DNAI7: variants seen among roughly 807,000 people sequenced by gnomAD.
DNAI7 encodes the protein dynein axonemal intermediate chain 7, also known as cancer susceptibility 1.
Under a neutral mutation model 86.6 loss-of-function variants are expected in DNAI7, and 78 were observed. The observed-to-expected ratio is 0.90, with a 90% CI of 0.75 to 1.09. The LOEUF (loss-of-function observed/expected upper bound fraction) is 1.09, where lower values mean the gene tolerates loss of function less well. DNAI7 is among the 50% of genes least tolerant of loss of function. The pLI is 0.00. For synonymous variants in DNAI7, 274 were observed against 273.0 expected (o/e 1.00, Z -0.04); for missense variants, 753 against 810.2 (o/e 0.93, Z 0.86).
intron 2 of DNAI7, among the ~76,000 whole-genome samples, chr12:25,171,218 G>C (rs1339837342): frequency 2.6e-5 from 4 of 152,042 alleles, no homozygotes; most frequent in Non-Finnish European, 5.9e-5. Flanking sequence ...AAAATTGATA[G>C]ATCATTAATA....
At chr12:25,151,486 C>T (rs1945534442) in intron 6 of DNAI7, among the ~76,000 whole-genome samples, 1 of 152,070 alleles carries the variant, frequency 6.6e-6, no homozygotes, top group African/African-American at 2.4e-5. Flanking sequence ...TGAACTTATC[C>T]TTTTCTCATC....
intron 9 of DNAI7, among the ~76,000 whole-genome samples, chr12:25,142,389 T>C (rs929096678): frequency 2.6e-5 from 4 of 152,052 alleles, no homozygotes; most frequent in Non-Finnish European, 5.9e-5. Flanking sequence ...ACACAATGGG[T>C]AGTGTCCACT....
At chr12:25,169,320 C>A (rs11502710) in intron 2 of DNAI7, among the ~76,000 whole-genome samples, 1 of 152,018 alleles carries the variant, frequency 6.6e-6, no homozygotes, top group African/African-American at 2.4e-5. Flanking sequence ...TTGTGACCCC[C>A]ACTCCTGCCC....
At position 25,108,469 on chromosome 12, in the gene DNAI7, C is replaced by CATTACATTGTGTTGCAGAAAT; in HGVS notation, c.*58_*78dup. ...TTGATTTGAAATGTATTCATTCACTCATTACATTGTGTTGCAGAAATACCT... is the reference window on the plus strand; with the variant it reads ...TTGATTTGAAATGTATTCATTCACTCATTACATTGTGTTGCAGAAATATTACATTGTGTTGCAGAAATACCT... On this transcript the variant is annotated 3_prime_UTR_variant, in exon 16 of 16. Transcript: ENST00000395987. 1 of 1,174,710 alleles carries CATTACATTGTGTTGCAGAAAT rather than the reference C, an allele frequency of 8.5e-7. No individual in the cohort carries two copies. The highest frequency in any genetic ancestry group is 1.2e-6 in the Non-Finnish European group (1 of 840,028). 72.8% of individuals were successfully genotyped at this position (1,174,710 alleles called of 1,614,324 possible).
At chr12:25,127,247 T>C (rs1376052353) in intron 9 of DNAI7, among the ~76,000 whole-genome samples, 1 of 152,174 alleles carries the variant, frequency 6.6e-6, no homozygotes, top group Non-Finnish European at 1.5e-5. Flanking sequence ...AAACTTCAAA[T>C]CTCATTTGCT....
At position 25,154,470 on chromosome 12, in the gene DNAI7, A is replaced by G. The variant is rs771726470; in HGVS notation, c.301-14T>C. 1.2e-4 allele frequency: 197 copies of G among 1,597,868 alleles called. No individual in the cohort carries two copies. Among genetic ancestry groups the G allele is most frequent in the South Asian group, 2.3e-4 (20 of 87,022 alleles). ...GTAGTGCTTCCACTGTGGAATAAAA[A>G]TGTTTAAAGGTTCACATTGATGAAG... On this transcript the variant is annotated splice_polypyrimidine_tract_variant and intron_variant, in intron 5 of 15. Transcript: ENST00000395987.
intron 9 of DNAI7, among the ~76,000 whole-genome samples, chr12:25,141,837 GAA>G (rs71065912): frequency 6.1e-5 from 9 of 148,478 alleles, no homozygotes; most frequent in Admixed American, 1.3e-4. Context: ...CTCAAAAAAA[GAA>G]AAAAAAAAGG....
intron 1 of DNAI7, among the ~76,000 whole-genome samples, chr12:25,191,602 G>C (rs1950525715): frequency 6.6e-6 from 1 of 152,154 alleles, no homozygotes; most frequent in Non-Finnish European, 1.5e-5. Flanking sequence ...TACTTGGGAG[G>C]CTGAGGCAGG....
chr12:25,171,631 A>G (rs933576471), intron 2 of DNAI7, among the ~76,000 whole-genome samples: 3 of 152,226 alleles, frequency 2.0e-5, no homozygotes, highest in Non-Finnish European at 4.4e-5. Flanking sequence ...TGAAGCCAGC[A>G]TCACCCTAAT....
chr12:25,151,828 C>T (rs1364492628), intron 6 of DNAI7, among the ~76,000 whole-genome samples: 1 of 152,182 alleles, frequency 6.6e-6, no homozygotes, highest in Admixed American at 6.5e-5. Context: ...TGTTAAATGA[C>T]TCTTATAATC....
In DNAI7 at chr12:25,144,528, G is replaced by C. The variant is rs1405267570; in HGVS notation, c.839C>G (p.Thr280Ser). ...HPVSTPSKEY[T>S]SAVTELVKDD... is the part of the protein sequence containing the mutation. ...TTTGACAAGCTCAGTTACTGCAGAA[G>C]TGTATTCTTTTGATGGTGTTGAAAC... The change falls in exon 9 of 16, where the codon ACT becomes AGT. Residue 280 changes from threonine (T) to serine (S), a missense_variant. By Grantham distance (58) the Thr-to-Ser change is moderately conservative. Coordinates refer to ENST00000395987, the MANE Select transcript of DNAI7 (RefSeq NM_018272.5). 3.1e-6 allele frequency: 5 copies of C among 1,613,968 alleles called. No homozygotes were observed. Among genetic ancestry groups the C allele is most frequent in the Non-Finnish European group, 4.2e-6 (5 of 1,180,002 alleles).
At chr12:25,107,757 A>T (rs756025051), downstream of DNAI7, 64 of 1,542,606 alleles carry the variant, frequency 4.1e-5, no homozygotes, top group Non-Finnish European at 5.4e-5. Context: ...GTGTTAGCAA[A>T]AGGAATGTTT....
intron 9 of DNAI7, among the ~76,000 whole-genome samples, chr12:25,143,165 G>C (rs1346937098): frequency 6.6e-6 from 1 of 151,470 alleles, no homozygotes; most frequent in East Asian, 1.9e-4. Context: ...TCACGTGCTT[G>C]TCATTAGAGT....
intron 9 of DNAI7, among the ~76,000 whole-genome samples, chr12:25,128,782 G>T (rs1942483958): frequency 6.6e-6 from 1 of 152,024 alleles, no homozygotes; most frequent in Admixed American, 6.6e-5. Context: ...AAACCACCAT[G>T]ACTTATTACT....
chr12:25,189,276 C>G (rs1231473455), intron 2 of DNAI7, among the ~76,000 whole-genome samples: 1 of 152,084 alleles, frequency 6.6e-6, no homozygotes, highest in Non-Finnish European at 1.5e-5. Flanking sequence ...AAAAGCTCAC[C>G]ATTATAAATA....
At chr12:25,169,831 G>A (rs1947920854) in intron 2 of DNAI7, among the ~76,000 whole-genome samples, 1 of 140,332 alleles carries the variant, frequency 7.1e-6, no homozygotes, top group Admixed American at 7.5e-5. Flanking sequence ...CTGGGTGACA[G>A]AGCAAGACTC....
intron 9 of DNAI7, among the ~76,000 whole-genome samples, chr12:25,126,409 A>G (rs1297554196): frequency 6.6e-6 from 1 of 152,186 alleles, no homozygotes; most frequent in Admixed American, 6.5e-5. Flanking sequence ...CTGCTCAGTG[A>G]AGTGCTAGAA....
At chr12:25,155,794 G>A (rs924254232) in intron 4 of DNAI7, among the ~76,000 whole-genome samples, 1 of 152,216 alleles carries the variant, frequency 6.6e-6, no homozygotes, top group Non-Finnish European at 1.5e-5. Flanking sequence ...AGAGGTGAAG[G>A]GAAGGAGCCA....
Position 25,111,870 on chromosome 12 carries a change from A to G in DNAI7, c.1681T>C (p.Trp561Arg). The change falls in exon 14 of 16, where the codon TGG becomes CGG. Residue 561 changes from tryptophan (W) to arginine (R), a missense_variant. Transcript: ENST00000395987. ...ATAATGAAAGGAATAGGAGTCATCC[A>G]GGTTCCTTCCAAAATAGAGATGTGT... ...KKHISILEGT[W>R]MTPIPFIIAL... is the part of the protein sequence containing the mutation. The G allele has an allele frequency of 6.2e-7, 1 of 1,607,128 alleles. No homozygotes were observed. The highest frequency in any genetic ancestry group is 2.2e-5 in the East Asian group (1 of 44,640).
Sources: gnomAD v4.1 joint callset for allele counts (sites outside exome capture counted in the v4.1 genomes callset) on GRCh38, gnomAD v4.1.1 for gene constraint, MANE v1.5 for transcripts, NCBI Gene and HGNC (gene_info 2026-07-23, HGNC 2026-07-21) for gene names.